EVA1A: variants seen among roughly 807,000 people sequenced by gnomAD.
EVA1A encodes eva-1 homolog A, regulator of programmed cell death, also known as protein eva-1 homolog A.
A neutral mutation model predicts 9.8 loss-of-function variants in EVA1A; 7 were observed. The ratio of observed to expected loss-of-function variants is 0.71; its 90% confidence interval spans 0.41 to 1.34. The LOEUF (loss-of-function observed/expected upper bound fraction) is 1.34, where lower values mean the gene tolerates loss of function less well. Ranked by LOEUF, EVA1A falls within the 40% of genes most tolerant of loss-of-function variation. The pLI is 0.01. For synonymous variants in EVA1A, 90 were observed against 85.6 expected, an observed-to-expected ratio of 1.05 and a Z score of -0.28; for missense variants, 206 against 205.9, an observed-to-expected ratio of 1.00 and a Z score of 0.00.
In EVA1A at chr2:75,494,698, C is replaced by T. The variant is rs183160189; in HGVS notation, c.86-1089G>A. ...AGAAACCTTGAACCAAGGAACCCAG[C>T]TAAGCCACACCCAGATTTCTGACCT... is the stretch of plus-strand genomic sequence containing the variant. On this transcript the variant is annotated intron_variant, in intron 3 of 3. Coordinates refer to ENST00000393913, the MANE Select transcript of EVA1A (RefSeq NM_001135032.2). Among the ~76,000 whole-genome samples, 26 of 152,330 alleles carry T rather than the reference C, an allele frequency of 1.7e-4. No homozygotes were observed. The East Asian group carries it at 4.1e-3, about 24-fold the overall frequency.
chr2:75,512,623 C>G (rs1674855718), intron 3 of EVA1A, among the ~76,000 whole-genome samples: 1 of 152,156 alleles, frequency 6.6e-6, no homozygotes. Flanking sequence ...ACATTAAAAG[C>G]TCTGGTAAGC....
intron 1 of EVA1A, among the ~76,000 whole-genome samples, chr2:75,530,402 T>C (rs1458675603): frequency 6.6e-6 from 1 of 152,130 alleles, no homozygotes; most frequent in Non-Finnish European, 1.5e-5. Flanking sequence ...AATCATTCTA[T>C]GAAGCCAGTA....
chr2:75,560,535 G>A (rs528664997), intron 1 of EVA1A, 145 bp downstream of exon 1: 1 of 152,358 alleles, frequency 6.6e-6, no homozygotes, highest in South Asian at 2.1e-4. Context: ...TACAACACCT[G>A]GGCAGGGACT....
chr2:75,514,741 T>C (rs1674944004), intron 3 of EVA1A, among the ~76,000 whole-genome samples: 1 of 152,192 alleles, frequency 6.6e-6, no homozygotes, highest in South Asian at 2.1e-4. Context: ...TTACTACATG[T>C]ATTATAAATA....
intron 3 of EVA1A, among the ~76,000 whole-genome samples, chr2:75,502,350 G>A (rs1451701365): frequency 6.6e-6 from 1 of 152,104 alleles, no homozygotes; most frequent in Non-Finnish European, 1.5e-5. Flanking sequence ...TAATAACAAT[G>A]GCCACATAAT....
chr2:75,501,665 C>G (rs1453252562), intron 3 of EVA1A, among the ~76,000 whole-genome samples: 1 of 152,104 alleles, frequency 6.6e-6, no homozygotes, highest in Non-Finnish European at 1.5e-5. Context: ...ATGAAATGAG[C>G]CAAAGAGAGG....
chr2:75,493,115 C>G lies in EVA1A; in HGVS notation c.*121G>C. 1 of 1,402,298 alleles carries G rather than the reference C, an allele frequency of 7.1e-7. No individual in the cohort carries two copies. 86.9% of individuals were successfully genotyped at this position (1,402,298 alleles called of 1,614,324 possible). A position where few individuals can be genotyped will look rare whatever the true frequency, so the allele number is the denominator to read the frequency against. ...CCTCCTGGCTAGAAAAGGGGCATGT[C>G]CTGCTTTTTCTCTGAAATCACAATA... On this transcript the variant is annotated 3_prime_UTR_variant, in exon 4 of 4. Coordinates refer to ENST00000393913, the MANE Select transcript of EVA1A (RefSeq NM_001135032.2).
chr2:75,533,316 T>C (rs773187785), intron 1 of EVA1A, among the ~76,000 whole-genome samples: 6 of 152,028 alleles, frequency 3.9e-5, no homozygotes, highest in Non-Finnish European at 5.9e-5. Flanking sequence ...AGGCAGTAAG[T>C]AGCACAATGT....
At chr2:75,503,182 A>C (rs1485607958) in intron 3 of EVA1A, among the ~76,000 whole-genome samples, 2 of 152,176 alleles carry the variant, frequency 1.3e-5, no homozygotes, top group African/African-American at 4.8e-5. Context: ...CACAGCTGAT[A>C]CAATTTATGT....
upstream of EVA1A, chr2:75,561,212 C>G (rs1164890398): frequency 6.6e-6 from 1 of 152,204 alleles, no homozygotes; most frequent in Non-Finnish European, 1.5e-5. Context: ...TCCCGGTCCT[C>G]CAGGCTTTCC....
chr2:75,505,054 T>C (rs1172382810), intron 3 of EVA1A, among the ~76,000 whole-genome samples: 1 of 152,110 alleles, frequency 6.6e-6, no homozygotes, highest in African/African-American at 2.4e-5. Flanking sequence ...CTCCTCCCAA[T>C]CCACTGGCTC....
intron 3 of EVA1A, among the ~76,000 whole-genome samples, chr2:75,504,692 A>T (rs1255556973): frequency 6.6e-6 from 1 of 151,826 alleles, no homozygotes. Context: ...TTCTCAGCAA[A>T]CTAACACAGG....
intron 1 of EVA1A, among the ~76,000 whole-genome samples, chr2:75,549,086 A>T (rs1676441036): frequency 1.3e-5 from 2 of 151,264 alleles, no homozygotes; most frequent in Non-Finnish European, 2.9e-5. Context: ...TTATGGGCAC[A>T]CAGTGTACTG....
At chr2:75,565,841 G>A (rs1677015802), upstream of EVA1A, among the ~76,000 whole-genome samples, 2 of 152,136 alleles carry the variant, frequency 1.3e-5, no homozygotes, top group South Asian at 4.1e-4. Context: ...AAAATCAGGA[G>A]GCCGAAAATT....
At chr2:75,552,705 T>C (rs1032979241) in intron 1 of EVA1A, among the ~76,000 whole-genome samples, 1 of 152,112 alleles carries the variant, frequency 6.6e-6, no homozygotes, top group Admixed American at 6.5e-5. Context: ...ATGCATACCA[T>C]CCATAAGGGA....
At chr2:75,563,048 A>G (rs1043751255), upstream of EVA1A, among the ~76,000 whole-genome samples, 3 of 152,224 alleles carry the variant, frequency 2.0e-5, no homozygotes, top group African/African-American at 7.2e-5. Context: ...TTGGATTTAA[A>G]AATACTACCA....
At chr2:75,569,187 A>G (rs1677080469) in intron 1 of EVA1A, among the ~76,000 whole-genome samples, 1 of 152,096 alleles carries the variant, frequency 6.6e-6, no homozygotes, top group African/African-American at 2.4e-5. Context: ...ATAATTTTTA[A>G]TTATTTCCAG....
chr2:75,564,323 G>C (rs1676985072), upstream of EVA1A, among the ~76,000 whole-genome samples: 1 of 152,208 alleles, frequency 6.6e-6, no homozygotes, highest in Non-Finnish European at 1.5e-5. Context: ...AGGAAGAAAA[G>C]GGTTCATCCC....
At chr2:75,554,263 C>T (rs796470624) in intron 1 of EVA1A, among the ~76,000 whole-genome samples, 25 of 152,280 alleles carry the variant, frequency 1.6e-4, no homozygotes, top group African/African-American at 5.8e-4. Context: ...CTTTTCCTTG[C>T]AAGTTTATGG....
Sources: gnomAD v4.1 joint callset for allele counts (sites outside exome capture counted in the v4.1 genomes callset) on GRCh38, gnomAD v4.1.1 for gene constraint, MANE v1.5 for transcripts, NCBI Gene and HGNC (gene_info 2026-07-23, HGNC 2026-07-21) for gene names.